NCAM2: variants seen among roughly 807,000 people sequenced by gnomAD.
NCAM2 encodes the protein N-CAM-2.
Under a neutral mutation model 98.1 loss-of-function variants are expected in NCAM2, and 30 were observed. The observed-to-expected ratio is 0.31, with a 90% CI of 0.23 to 0.41. NCAM2 has a LOEUF of 0.41. Ranked by LOEUF, NCAM2 falls within the 10% of genes least tolerant of loss-of-function variation. The pLI is 1.00. For missense variants in NCAM2, 867 were observed against 1,005.8 expected, an observed-to-expected ratio of 0.86 and a Z score of 1.87; for synonymous variants, 368 against 342.4, an observed-to-expected ratio of 1.07 and a Z score of -0.83.
intron 1 of NCAM2, among the ~76,000 whole-genome samples, chr21:21,136,637 T>G (rs963661283): frequency 6.7e-6 from 1 of 149,010 alleles, no homozygotes; most frequent in Non-Finnish European, 1.5e-5. Context: ...TTTGTTTTTT[T>G]TTTTATTTTT....
At chr21:21,415,330 C>CTTTTTTT (rs34997215) in intron 10 of NCAM2, among the ~76,000 whole-genome samples, 2 of 70,826 alleles carry the variant, frequency 2.8e-5, no homozygotes, top group African/African-American at 6.0e-5. Flanking sequence ...TTAGCTTGAT[C>CTTTTTTT]TTTTTTTTTT....
chr21:21,365,736 AT>A (rs1314984809), intron 8 of NCAM2, among the ~76,000 whole-genome samples: 1 of 152,078 alleles, frequency 6.6e-6, no homozygotes, highest in Non-Finnish European at 1.5e-5. Flanking sequence ...AACAGCTCAA[AT>A]AAAAATTGTA....
intron 1 of NCAM2, among the ~76,000 whole-genome samples, chr21:21,178,190 T>C (rs1220572789): frequency 6.6e-6 from 1 of 152,118 alleles, no homozygotes; most frequent in Non-Finnish European, 1.5e-5. Flanking sequence ...ATTTTTTAAA[T>C]CAAAGCAACT....
chr21:21,351,610 G>A (rs2075342086), intron 8 of NCAM2, among the ~76,000 whole-genome samples: 1 of 151,780 alleles, frequency 6.6e-6, no homozygotes, highest in African/African-American at 2.4e-5. Context: ...TTTTTTCAAA[G>A]CCTTGATCTG....
chr21:21,183,618 A>G (rs1030132110), intron 1 of NCAM2, among the ~76,000 whole-genome samples: 5 of 152,294 alleles, frequency 3.3e-5, no homozygotes, highest in African/African-American at 9.6e-5. Context: ...GTACTGTTAA[A>G]CTGGTAAATT....
intron 5 of NCAM2, among the ~76,000 whole-genome samples, chr21:21,305,393 CTG>C (rs1017665260): frequency 1.3e-5 from 2 of 152,060 alleles, no homozygotes; most frequent in Non-Finnish European, 2.9e-5. Context: ...CCTTTCCAAT[CTG>C]TATGTTTTTC....
At chr21:21,339,214 A>G (rs1279198812) in intron 8 of NCAM2, among the ~76,000 whole-genome samples, 1 of 152,092 alleles carries the variant, frequency 6.6e-6, no homozygotes, top group Non-Finnish European at 1.5e-5. Context: ...CTGTCATCCA[A>G]TGCTTTACCC....
intron 5 of NCAM2, among the ~76,000 whole-genome samples, chr21:21,323,658 A>G (rs1291122613): frequency 6.6e-6 from 1 of 152,182 alleles, no homozygotes; most frequent in Non-Finnish European, 1.5e-5. Context: ...AACAGTTTCA[A>G]CATGTTCCAA....
intron 1 of NCAM2, among the ~76,000 whole-genome samples, chr21:21,043,997 A>C (rs1420615467): frequency 6.6e-6 from 1 of 151,928 alleles, no homozygotes; most frequent in Non-Finnish European, 1.5e-5. Flanking sequence ...TTGGTTTTTT[A>C]ATCATTTTAG....
intron 15 of NCAM2, among the ~76,000 whole-genome samples, chr21:21,478,172 A>C (rs1428808375): frequency 6.6e-6 from 1 of 152,044 alleles, no homozygotes; most frequent in Non-Finnish European, 1.5e-5. Context: ...ATTTATTCTG[A>C]CTCAAAATAA....
At chr21:21,008,178 A>G (rs1171468251) in intron 1 of NCAM2, among the ~76,000 whole-genome samples, 2 of 150,992 alleles carry the variant, frequency 1.3e-5, no homozygotes, top group East Asian at 2.0e-4. Context: ...TAAAAAAATT[A>G]CTTACTTAGA....
At position 21,338,542 on chromosome 21, in the gene NCAM2, C is replaced by T. The variant is rs954593089; in HGVS notation, c.1044+8C>T. 6.3e-7 allele frequency: 1 copy of T among 1,593,802 alleles called. No individual in the cohort carries two copies. The highest frequency in any genetic ancestry group is 1.4e-5 in the African/African-American group (1 of 73,618). ...TTCACTGAAGGCGATAAGGTAACCACATCTCAATATGTAATGGTTTCCATT... is the reference window on the plus strand; with the variant it reads ...TTCACTGAAGGCGATAAGGTAACCATATCTCAATATGTAATGGTTTCCATT... On this transcript the variant is annotated splice_region_variant and intron_variant, in intron 8 of 17. Transcript: ENST00000400546.
chr21:21,202,677 A>C lies in NCAM2; in HGVS notation c.56-77901A>C, dbSNP rs543037812. ...ATCATCTGCCCACCGCAGCCTCCCAAAGTGCTGGGATTACAGGCGTGAGCC... is the reference window on the plus strand; with the variant it reads ...ATCATCTGCCCACCGCAGCCTCCCACAGTGCTGGGATTACAGGCGTGAGCC... On this transcript the variant is annotated intron_variant, in intron 1 of 17. Transcript: ENST00000400546. 2.6e-5 allele frequency among the ~76,000 whole-genome samples: 4 copies of C among 152,092 alleles called. No homozygotes were observed. In the East Asian group the frequency reaches 7.8e-4, roughly 29 times the overall value.
chr21:21,537,402 G>A (rs1425155954), intron 17 of NCAM2, among the ~76,000 whole-genome samples: 1 of 151,996 alleles, frequency 6.6e-6, no homozygotes, highest in East Asian at 1.9e-4. Flanking sequence ...TGTTTTCACT[G>A]GAGAAAACGT....
rs5842938 is a variant in NCAM2, at chr21:21,543,013, TAAA to T, written c.*5063_*5065del. 6.6e-6 allele frequency: 1 copy of T among 151,192 alleles called. No homozygotes were observed. Among genetic ancestry groups the T allele is most frequent in the Non-Finnish European group, 1.5e-5 (1 of 67,570 alleles). 9.4% of individuals were successfully genotyped at this position (151,192 alleles called of 1,614,324 possible). On this transcript the variant is annotated 3_prime_UTR_variant, in exon 18 of 18. Transcript: ENST00000400546. ...GTGAAGTTAGAAATAAAGGTTTTTT[TAAA>T]AAAAAAGCTTTTTTGGTATGTGAAC...
intron 1 of NCAM2, among the ~76,000 whole-genome samples, chr21:21,276,342 A>G (rs1287371203): frequency 6.6e-6 from 1 of 152,088 alleles, no homozygotes; most frequent in Non-Finnish European, 1.5e-5. Flanking sequence ...AGTATAGTAC[A>G]TAATTTTTAA....
chr21:21,350,472 G>GA (rs146747521), intron 8 of NCAM2, among the ~76,000 whole-genome samples: 5 of 151,988 alleles, frequency 3.3e-5, no homozygotes, highest in African/African-American at 7.3e-5. Flanking sequence ...ATGCTACTGG[G>GA]AAAAAAATTA....
Position 21,355,467 on chromosome 21 carries a change from CA to C in NCAM2, c.1044+16949del, listed in dbSNP as rs1191479876. ...ACAGTGACAGACTGAGACTATGTCT[CA>C]AAAAAAAAAAAAAAAGGAGAGAAAG... On this transcript the variant is annotated intron_variant, in intron 8 of 17. Coordinates refer to ENST00000400546, the MANE Select transcript of NCAM2 (RefSeq NM_004540.5). Among the ~76,000 whole-genome samples, 74 of 67,230 alleles carry C rather than the reference CA, an allele frequency of 1.1e-3. 1 individual carries two copies. The highest frequency in any genetic ancestry group is 0.01 in the Middle Eastern group (1 of 96). The allele number at this position is 67,230 out of a possible 152,430, so 44.1% of individuals were successfully genotyped here.
intron 4 of NCAM2, among the ~76,000 whole-genome samples, chr21:21,289,781 G>A (rs1357675392): frequency 6.6e-6 from 1 of 151,820 alleles, no homozygotes; most frequent in Non-Finnish European, 1.5e-5. Context: ...TTCAAAGGGG[G>A]CATCATTAAA....
Sources: gnomAD v4.1 joint callset for allele counts (sites outside exome capture counted in the v4.1 genomes callset) on GRCh38, gnomAD v4.1.1 for gene constraint, MANE v1.5 for transcripts, NCBI Gene and HGNC (gene_info 2026-07-23, HGNC 2026-07-21) for gene names.